MTMR6: variants seen among roughly 807,000 people sequenced by gnomAD.
The protein encoded by MTMR6 is myotubularin related protein 6, also known as phosphatidylinositol-3,5-bisphosphate 3-phosphatase MTMR6.
A neutral mutation model predicts 80.1 loss-of-function variants in MTMR6; 47 were observed. That is an observed-to-expected ratio of 0.59 (90% CI 0.46 to 0.75). MTMR6 has a LOEUF of 0.75. Ranked by LOEUF, MTMR6 falls within the 30% of genes least tolerant of loss-of-function variation. MTMR6 has a pLI of 0.00. For synonymous variants in MTMR6, 254 were observed against 253.0 expected (o/e 1.00, Z -0.04); for missense variants, 629 against 730.9 (o/e 0.86, Z 1.61).
At chr13:25,278,116 T>C (rs1202886185) in intron 1 of MTMR6, among the ~76,000 whole-genome samples, 1 of 152,236 alleles carries the variant, frequency 6.6e-6, no homozygotes, top group African/African-American at 2.4e-5. Flanking sequence ...TAAGTTCACC[T>C]GCTCATCTTA....
At chr13:25,278,220 T>C (rs1487043590) in intron 1 of MTMR6, among the ~76,000 whole-genome samples, 1 of 152,238 alleles carries the variant, frequency 6.6e-6, no homozygotes, top group African/African-American at 2.4e-5. Context: ...TTTAGGCTCT[T>C]TTCCCAAATA....
At chr13:25,258,308 T>C (rs1408024131) in intron 7 of MTMR6, among the ~76,000 whole-genome samples, 1 of 152,128 alleles carries the variant, frequency 6.6e-6, no homozygotes, top group Non-Finnish European at 1.5e-5. Context: ...CTCAGATGTG[T>C]AGTAAGTGTA....
chr13:25,257,997 A>T lies in MTMR6; in HGVS notation c.860-152T>A, dbSNP rs7331831. The T allele has an allele frequency of 8.7e-4, 430 of 492,870 alleles. 2 individuals carry two copies. Among genetic ancestry groups the T allele is most frequent in the African/African-American group, 7.9e-3 (393 of 49,850 alleles). 30.5% of individuals were successfully genotyped at this position (492,870 alleles called of 1,614,324 possible). On this transcript the variant is annotated intron_variant, in intron 7 of 13. Coordinates refer to ENST00000381801, the MANE Select transcript of MTMR6 (RefSeq NM_004685.5). ...AAAAGATGCTATTAAAAGCTCAATA[A>T]CTGATTCTTGGATATATTTTTCTAT...
intron 2 of MTMR6, among the ~76,000 whole-genome samples, chr13:25,269,155 T>C (rs1457541006): frequency 1.3e-5 from 2 of 152,132 alleles, no homozygotes; most frequent in South Asian, 2.1e-4. Flanking sequence ...GGGGGTGGCA[T>C]GGTGCAGAGT....
At position 25,258,645 on chromosome 13, in the gene MTMR6, T is replaced by G. The variant is rs1187342106; in HGVS notation, c.774A>C (p.Glu258Asp). 6.3e-7 allele frequency: 1 copy of G among 1,596,716 alleles called. No homozygotes were observed. The highest frequency in any genetic ancestry group is 8.5e-7 in the Non-Finnish European group (1 of 1,175,316). ...GAAATCTAATATTGGAATAGTTGTC[T>G]TCATTTTCATAACCTTTTCCAGCTG... Reference protein sequence around the residue: ...NRAAGKGYENEDNYSNIRFQF... With the variant: ...NRAAGKGYENDDNYSNIRFQF... The change falls in exon 7 of 14, where the codon GAA (glutamate) becomes GAC (aspartate). Residue 258 changes from glutamate to aspartate, a missense_variant. Physicochemically the swap from Glu to Asp is conservative, Grantham distance 45. Coordinates refer to ENST00000381801, the MANE Select transcript of MTMR6 (RefSeq NM_004685.5).
intron 1 of MTMR6, among the ~76,000 whole-genome samples, chr13:25,282,552 T>G (rs1437628016): frequency 6.6e-6 from 1 of 151,900 alleles, no homozygotes; most frequent in South Asian, 2.1e-4. Context: ...CTCTTCCAAA[T>G]GCATCCGGCT....
intron 1 of MTMR6, among the ~76,000 whole-genome samples, chr13:25,275,093 C>T (rs993291891): frequency 7.3e-5 from 11 of 151,432 alleles, no homozygotes; most frequent in African/African-American, 2.7e-4. Flanking sequence ...TGTTATTCAT[C>T]CTTACGAAAA....
chr13:25,258,736 T>C (rs1248638694), intron 6 of MTMR6, 44 bp from the exon 7 acceptor site: 1 of 1,455,926 alleles, frequency 6.9e-7, no homozygotes, highest in Non-Finnish European at 9.1e-7. Context: ...ATTACTTTTT[T>C]AATTTACCAA....
intron 6 of MTMR6, chr13:25,260,687 G>C (rs756893637): frequency 1.6e-6 from 2 of 1,253,216 alleles, no homozygotes; most frequent in Non-Finnish European, 2.1e-6. Context: ...TGCATGCGAC[G>C]CTATAACAAA....
chr13:25,262,392 A>G (rs1015423099), intron 5 of MTMR6, among the ~76,000 whole-genome samples: 6 of 152,146 alleles, frequency 3.9e-5, no homozygotes, highest in African/African-American at 1.4e-4. Context: ...TTTTGAGACA[A>G]GGTCTTGCTC....
In MTMR6 at chr13:25,261,707, T is replaced by C. The variant is rs138112622; in HGVS notation, c.687A>G (p.Pro229=). Residue 229 remains proline, a synonymous_variant, in exon 6 of 14, where the codon CCA becomes CCG. Coordinates refer to ENST00000381801, the MANE Select transcript of MTMR6 (RefSeq NM_004685.5). ...HLLQAISKAN[P]VNRYMYVMDT... ...CCATGACGTACATATAGCGATTGAC[T>C]GGATTGGCTTTACTAATGGCTTGAA... is the stretch of plus-strand genomic sequence containing the variant. 8.9e-5 allele frequency: 143 copies of C among 1,613,562 alleles called. No homozygotes were observed. Among genetic ancestry groups the C allele is most frequent in the Admixed American group, 1.7e-5 (1 of 59,952 alleles).
chr13:25,284,843 C>G (rs1453639125), intron 1 of MTMR6, among the ~76,000 whole-genome samples: 1 of 152,212 alleles, frequency 6.6e-6, no homozygotes, highest in Non-Finnish European at 1.5e-5. Flanking sequence ...AGGTCCACCT[C>G]TATCTTGCTG....
In MTMR6 at chr13:25,249,346, A is replaced by G; in HGVS notation, c.1752T>C (p.Thr584=). 2.5e-6 allele frequency: 4 copies of G among 1,614,114 alleles called. No homozygotes were observed. The highest frequency in any genetic ancestry group is 3.4e-6 in the Non-Finnish European group (4 of 1,179,982). The part of the protein sequence containing the change: ...TLLPVNDALR[T]IEGSSPADNR... ...TATCTGCCGGGCTGCTGCCCTCTAT[A>G]GTTCGAAGAGCATCATTTACGGGTA... is the stretch of plus-strand genomic sequence containing the variant. Residue 584 remains threonine, a synonymous_variant, in exon 14 of 14, where the codon ACT becomes ACC. Transcript: ENST00000381801.
At chr13:25,266,045 TAC>T in intron 4 of MTMR6, 82 bp downstream of exon 4, 1 of 1,592,686 alleles carries the variant, frequency 6.3e-7, no homozygotes, top group Non-Finnish European at 8.6e-7. Context: ...CACATTTCAG[TAC>T]ACAGACAACT....
intron 1 of MTMR6, among the ~76,000 whole-genome samples, chr13:25,283,608 A>T (rs1359777828): frequency 6.6e-6 from 1 of 152,232 alleles, no homozygotes; most frequent in Non-Finnish European, 1.5e-5. Context: ...AACTTTTGGA[A>T]TAACTCAATT....
chr13:25,267,636 C>T, intron 3 of MTMR6, 143 bp downstream of exon 3: 1 of 724,940 alleles, frequency 1.4e-6, no homozygotes, highest in Non-Finnish European at 2.2e-6. Context: ...TACTTTCAGG[C>T]CAATATGGGG....
chr13:25,266,875 C>T (rs1160086129), intron 3 of MTMR6, among the ~76,000 whole-genome samples: 1 of 152,156 alleles, frequency 6.6e-6, no homozygotes, highest in Non-Finnish European at 1.5e-5. Flanking sequence ...GGCAGCAATC[C>T]AGATTGCTCA....
rs1457607425 is a variant in MTMR6 at position 25,257,758 on chromosome 13, T to C, written c.947A>G (p.Asp316Gly). 3.3e-5 allele frequency: 54 copies of C among 1,612,978 alleles called. No individual in the cohort carries two copies. The highest frequency in any genetic ancestry group is 4.3e-5 in the Non-Finnish European group (51 of 1,179,106). Residue 316 changes from aspartate (D) to glycine (G), a missense_variant, in exon 8 of 14, where the codon GAT (aspartate) becomes GGT (glycine). Transcript: ENST00000381801. ...GWLRHIKAVM[D>G]AAIFLAKAIT... ...TACTTTGGCCAAGAAGATTGCAGCA[T>C]CCATAACAGCTTTGATATGGCGAAG... is the stretch of plus-strand genomic sequence containing the variant.
At chr13:25,260,956 C>T (rs1458274374) in intron 6 of MTMR6, among the ~76,000 whole-genome samples, 1 of 151,970 alleles carries the variant, frequency 6.6e-6, no homozygotes, top group African/African-American at 2.4e-5. Context: ...AAGCTAAAAT[C>T]CATTATTTTA....
Sources: allele counts gnomAD v4.1 joint callset (sites outside exome capture counted in the v4.1 genomes callset), GRCh38; gene constraint gnomAD v4.1.1; transcripts MANE v1.5; gene names NCBI Gene and HGNC (gene_info 2026-07-23, HGNC 2026-07-21).